PRKCZ: variants seen among roughly 807,000 people sequenced by gnomAD.
PRKCZ encodes the protein protein kinase C zeta type.
Under a neutral mutation model 79.5 loss-of-function variants are expected in PRKCZ, and 33 were observed. That is an observed-to-expected ratio of 0.41 (90% CI 0.31 to 0.55). The LOEUF is 0.55. PRKCZ is among the 20% of genes least tolerant of loss of function. The pLI is 0.19. For synonymous variants in PRKCZ, 342 were observed against 320.9 expected, an observed-to-expected ratio of 1.07 and a Z score of -0.70; for missense variants, 578 against 813.5, an observed-to-expected ratio of 0.71 and a Z score of 3.52.
At position 2,173,470 on chromosome 1, in the gene PRKCZ, T is replaced by C. The variant is rs914364948; in HGVS notation, c.1286-427T>C. Among the ~76,000 whole-genome samples the C allele has an allele frequency of 2.0e-5, 3 of 152,108 alleles. No individual in the cohort carries two copies. The highest frequency in any genetic ancestry group is 1.9e-4 in the East Asian group (1 of 5,184). On this transcript the variant is annotated intron_variant, in intron 13 of 17. Coordinates refer to ENST00000378567, the MANE Select transcript of PRKCZ (RefSeq NM_002744.6). The surrounding 1 kb of genome is among the most constrained non-coding windows in gnomAD (Gnocchi z 5.7). ...TTCGCTGGAACACATTCCCAACAGG[T>C]TGACTACTTGAACCTTTTTAAAAAA...
chr1:2,115,843 G>C (rs1227271902), intron 4 of PRKCZ, among the ~76,000 whole-genome samples: 1 of 152,308 alleles, frequency 6.6e-6, no homozygotes, highest in Admixed American at 6.5e-5. Flanking sequence ...CAGCACCTTG[G>C]TATATTCACC....
At chr1:2,051,695 C>G (rs1435379575) in intron 1 of PRKCZ, among the ~76,000 whole-genome samples, 1 of 152,140 alleles carries the variant, frequency 6.6e-6, no homozygotes, top group Non-Finnish European at 1.5e-5. Context: ...GACAACTTCC[C>G]CGGGCCACGT....
chr1:2,107,978 T>C (rs1668920415), intron 4 of PRKCZ, among the ~76,000 whole-genome samples: 1 of 149,368 alleles, frequency 6.7e-6, no homozygotes, highest in African/African-American at 2.5e-5. Flanking sequence ...CCCCAGACAG[T>C]GTCAAGGGAG....
chr1:2,057,512 A>G (rs1193339183), intron 3 of PRKCZ, among the ~76,000 whole-genome samples: 1 of 152,202 alleles, frequency 6.6e-6, no homozygotes, highest in African/African-American at 2.4e-5. Context: ...TCTCCTGGAC[A>G]CCGGGCTACC....
intron 4 of PRKCZ, among the ~76,000 whole-genome samples, chr1:2,076,878 C>G (rs756856334): frequency 6.6e-6 from 1 of 152,230 alleles, no homozygotes; most frequent in African/African-American, 2.4e-5. Context: ...CAGAGCCCCT[C>G]CACGCATCGG....
chr1:2,121,635 GTGGTAGTTAGGGTCA>G (rs1671995450), intron 4 of PRKCZ, among the ~76,000 whole-genome samples: 1 of 68,472 alleles, frequency 1.5e-5, no homozygotes, highest in Admixed American at 1.8e-4. Context: ...TAGGGTCACA[GTGGTAGTTAGGGTCA>G]CGGTGGTGGT....
At chr1:2,107,401 C>T (rs544388440) in intron 4 of PRKCZ, among the ~76,000 whole-genome samples, 31 of 152,380 alleles carry the variant, frequency 2.0e-4, no homozygotes, top group South Asian at 1.0e-3. Context: ...TCTCCTTCCA[C>T]GGCCGCACAC....
intron 4 of PRKCZ, among the ~76,000 whole-genome samples, chr1:2,095,027 C>T (rs989633231): frequency 6.6e-6 from 1 of 152,166 alleles, no homozygotes; most frequent in Non-Finnish European, 1.5e-5. Context: ...GTCACCCCAG[C>T]CCCCCATGTG....
chr1:2,124,536 G>A (rs1211494905), intron 4 of PRKCZ, among the ~76,000 whole-genome samples: 1 of 152,132 alleles, frequency 6.6e-6, no homozygotes, highest in Non-Finnish European at 1.5e-5. Context: ...TGGTGAGCAT[G>A]AGGCCGCCAG....
At chr1:2,133,152 G>A (rs561599328) in intron 4 of PRKCZ, among the ~76,000 whole-genome samples, 1 of 152,194 alleles carries the variant, frequency 6.6e-6, no homozygotes. Flanking sequence ...CATTTTCAGG[G>A]TTTCCCAGGC....
chr1:2,052,627 C>T lies in PRKCZ; in HGVS notation c.71+1926C>T, dbSNP rs1659786177. Among the ~76,000 whole-genome samples the T allele has an allele frequency of 2.6e-5, 4 of 152,064 alleles. No individual in the cohort carries two copies. The South Asian group carries it at 8.3e-4, about 32-fold the overall frequency. On this transcript the variant is annotated intron_variant, in intron 1 of 17. Coordinates refer to ENST00000378567, the MANE Select transcript of PRKCZ (RefSeq NM_002744.6). ...CCTCTCTGCTGCAGAGTGTGAAGTA[C>T]CCTTCTCCCCGTTCTGGCTCCTCGT... is the stretch of plus-strand genomic sequence containing the variant.
chr1:2,083,143 C>T (rs1663880428), intron 4 of PRKCZ, among the ~76,000 whole-genome samples: 1 of 152,146 alleles, frequency 6.6e-6, no homozygotes, highest in African/African-American at 2.4e-5. Context: ...GTGTTCGGTT[C>T]ACTGGGTGGA....
Position 2,155,269 on chromosome 1 carries a change from C to T in PRKCZ, c.877-726C>T, listed in dbSNP as rs569381209. Among the ~76,000 whole-genome samples the T allele has an allele frequency of 1.0e-4, 15 of 144,950 alleles. No individual in the cohort carries two copies. The East Asian group carries it at 2.0e-3, about 19-fold the overall frequency. On this transcript the variant is annotated intron_variant, in intron 9 of 17. Transcript: ENST00000378567. ...GTGGTAGTGATGACATTGAGGATGACGGTGGTGGTGATGATGATGGTAGTG... is the reference window on the plus strand; with the variant it reads ...GTGGTAGTGATGACATTGAGGATGATGGTGGTGGTGATGATGATGGTAGTG...
intron 16 of PRKCZ, among the ~76,000 whole-genome samples, chr1:2,176,917 G>A (rs538110720): frequency 3.3e-5 from 5 of 152,334 alleles, no homozygotes; most frequent in Admixed American, 1.3e-4. Context: ...ATTCTCTGTC[G>A]TGCGGTTGTC....
rs114031277 is a variant in PRKCZ, at chr1:2,081,062, G to A, written c.334+21471G>A. 9.0e-3 allele frequency among the ~76,000 whole-genome samples: 1,369 copies of A among 152,264 alleles called. 21 individuals are homozygous for A. The highest frequency in any genetic ancestry group is 0.031 in the African/African-American group (1,294 of 41,548). The stretch of plus-strand genomic sequence containing the variant: ...TGTGTTTGTCGGCTCACACCTGCCC[G>A]TGCCTCTTCCCCCGTGCTGTCCTGT... On this transcript the variant is annotated intron_variant, in intron 4 of 17. Coordinates refer to ENST00000378567, the MANE Select transcript of PRKCZ (RefSeq NM_002744.6).
chr1:2,059,484 G>A, intron 3 of PRKCZ, 57 bp from the exon 4 acceptor site: 2 of 1,598,698 alleles, frequency 1.3e-6, no homozygotes, highest in Non-Finnish European at 1.7e-6. Context: ...TCCTCCGTGA[G>A]ACTGTTGAGT....
At chr1:2,148,092 C>T (rs1187233162) in intron 7 of PRKCZ, among the ~76,000 whole-genome samples, 5 of 148,690 alleles carry the variant, frequency 3.4e-5, no homozygotes, top group African/African-American at 5.0e-5. Context: ...TGTCTACTGA[C>T]CTCTCCATCT....
Position 2,185,064 on chromosome 1 carries a change from T to C in PRKCZ, c.*55T>C. 1 of 1,494,414 alleles carries C rather than the reference T, an allele frequency of 6.7e-7. No individual in the cohort carries two copies. Among genetic ancestry groups the C allele is most frequent in the Non-Finnish European group, 9.2e-7 (1 of 1,088,654 alleles). 92.6% of individuals were successfully genotyped at this position (1,494,414 alleles called of 1,614,324 possible). ...GTGATTGACCCTTTAACTGTATCCT[T>C]AACCACCGCATATGCATGCCAGGCT... On this transcript the variant is annotated 3_prime_UTR_variant, in exon 18 of 18. Transcript: ENST00000378567.
chr1:2,157,993 A>G (rs1385909800), intron 10 of PRKCZ, among the ~76,000 whole-genome samples: 1 of 152,180 alleles, frequency 6.6e-6, no homozygotes, highest in African/African-American at 2.4e-5. Context: ...TCTTAGCTGT[A>G]CATCTGGCGA....
Sources: gnomAD v4.1 joint callset for allele counts (sites outside exome capture counted in the v4.1 genomes callset) on GRCh38, gnomAD v4.1.1 for gene constraint, Gnocchi (gnomAD v3.1) non-coding constraint, MANE v1.5 for transcripts, NCBI Gene and HGNC (gene_info 2026-07-23, HGNC 2026-07-21) for gene names.